Variants in GCH1 observed in about 807,000 individuals in gnomAD.
GCH1 encodes the protein GTP cyclohydrolase I.
In GCH1, 5 loss-of-function variants were observed where a neutral mutation model predicts 25.9. The ratio of observed to expected loss-of-function variants is 0.19; its 90% CI spans 0.10 to 0.41. The LOEUF (loss-of-function observed/expected upper bound fraction) is 0.41. Ranked by LOEUF, GCH1 falls within the 10% of genes least tolerant of loss-of-function variation. GCH1 has a pLI of 1.00. For synonymous variants in GCH1, 159 were observed against 129.6 expected, an observed-to-expected ratio of 1.23 and a Z score of -1.54; for missense variants, 261 against 336.5, an observed-to-expected ratio of 0.78 and a Z score of 1.75.
chr14:54,867,327 C>A (rs1226264850), intron 1 of GCH1, among the ~76,000 whole-genome samples: 2 of 152,080 alleles, frequency 1.3e-5, no homozygotes, highest in Non-Finnish European at 2.9e-5. Context: ...GTGGCTCATG[C>A]CTGTAATCCC....
At chr14:54,901,600 C>G (rs1181663839) in intron 1 of GCH1, among the ~76,000 whole-genome samples, 1 of 152,168 alleles carries the variant, frequency 6.6e-6, no homozygotes, top group African/African-American at 2.4e-5. Flanking sequence ...CCCTCCGAAT[C>G]CCGGAGTAGC....
chr14:54,849,653 C>A (rs1566661517), intron 3 of GCH1, among the ~76,000 whole-genome samples: 1 of 152,150 alleles, frequency 6.6e-6, no homozygotes. Flanking sequence ...GTTCTAGAAA[C>A]TTTTTTAGCC....
At position 54,877,273 on chromosome 14, in the gene GCH1, G is replaced by A. The variant is rs115410629; in HGVS notation, c.344-11837C>T. On this transcript the variant is annotated intron_variant, in intron 1 of 5. Coordinates refer to ENST00000491895, the MANE Select transcript of GCH1 (RefSeq NM_000161.3). Reference sequence around the variant, plus strand: ...GGATTTATGGCATTCTGTTTCCTACGGTTGGTCACAACCACAAACAAAATG... The same window carrying A: ...GGATTTATGGCATTCTGTTTCCTACAGTTGGTCACAACCACAAACAAAATG... Among the ~76,000 whole-genome samples, 1,269 of 152,270 alleles carry A rather than the reference G, an allele frequency of 8.3e-3. 19 individuals carry two copies. Among genetic ancestry groups the A allele is most frequent in the African/African-American group, 0.029 (1,187 of 41,548 alleles).
At chr14:54,897,727 C>T (rs753916855) in intron 1 of GCH1, among the ~76,000 whole-genome samples, 1 of 152,142 alleles carries the variant, frequency 6.6e-6, no homozygotes, top group Non-Finnish European at 1.5e-5. Context: ...GATTCAAATA[C>T]CAGCTCTACT....
intron 1 of GCH1, among the ~76,000 whole-genome samples, chr14:54,900,037 G>A (rs569848979): frequency 2.0e-5 from 3 of 151,150 alleles, no homozygotes; most frequent in Non-Finnish European, 4.4e-5. Context: ...GCTAATTTTT[G>A]TATTTTTGGT....
At chr14:54,844,169 T>C in intron 5 of GCH1, 26 bp from the exon 6 acceptor site, 2 of 1,509,240 alleles carry the variant, frequency 1.3e-6, no homozygotes, top group Non-Finnish European at 1.8e-6. Flanking sequence ...ACACAGGTTG[T>C]TTAAAGGAGT....
intron 3 of GCH1, among the ~76,000 whole-genome samples, chr14:54,854,213 A>G (rs2039775766): frequency 6.6e-6 from 1 of 152,226 alleles, no homozygotes; most frequent in African/African-American, 2.4e-5. Flanking sequence ...TGAGCCACCA[A>G]AGGAGCAGCA....
intron 1 of GCH1, among the ~76,000 whole-genome samples, chr14:54,890,741 T>C (rs1251059648): frequency 6.6e-6 from 1 of 152,234 alleles, no homozygotes; most frequent in Non-Finnish European, 1.5e-5. Context: ...ATGCCTTTTA[T>C]TGAAAAACAC....
At chr14:54,891,090 T>C (rs1032474235) in intron 1 of GCH1, among the ~76,000 whole-genome samples, 4 of 147,964 alleles carry the variant, frequency 2.7e-5, no homozygotes, top group African/African-American at 1.0e-4. Flanking sequence ...AAATAGACAA[T>C]TCATAAGGTT....
intron 1 of GCH1, among the ~76,000 whole-genome samples, chr14:54,880,723 T>C (rs868686377): frequency 4.5e-5 from 2 of 44,418 alleles, no homozygotes; most frequent in African/African-American, 1.8e-4. Flanking sequence ...TATATACTCA[T>C]ATATATATAT....
chr14:54,872,298 G>A (rs56091146), intron 1 of GCH1, among the ~76,000 whole-genome samples: 32,080 of 151,896 alleles, frequency 0.21, 3,456 homozygotes, highest in African/African-American at 0.24. Context: ...AGCAAATGCT[G>A]AGAGATTTTG....
At chr14:54,893,421 T>A (rs3783641) in intron 1 of GCH1, among the ~76,000 whole-genome samples, 37,083 of 152,100 alleles carry the variant, frequency 0.24, 4,888 homozygotes, top group African/African-American at 0.34. Flanking sequence ...TAGAAATCAC[T>A]GGCAAATGAG....
chr14:54,855,541 G>A (rs7153186), intron 3 of GCH1, among the ~76,000 whole-genome samples: 4,816 of 133,304 alleles, frequency 0.036, 273 homozygotes, highest in African/African-American at 0.13. Flanking sequence ...CTGGCCGGGT[G>A]CAGTGACTCA....
At chr14:54,868,673 C>T (rs2040023581) in intron 1 of GCH1, among the ~76,000 whole-genome samples, 1 of 152,078 alleles carries the variant, frequency 6.6e-6, no homozygotes. Context: ...ATGATCTCGG[C>T]TCACTGCAAG....
At position 54,847,160 on chromosome 14, in the gene GCH1, C is replaced by T. The variant is rs1232635536; in HGVS notation, c.510-30G>A. The T allele has an allele frequency of 3.3e-6, 3 of 896,642 alleles. No individual in the cohort carries two copies. The Admixed American group carries it at 6.1e-5, about 18-fold the overall frequency. The allele number at this position is 896,642 out of a possible 1,614,324, so 55.5% of individuals were successfully genotyped here. On this transcript the variant is annotated intron_variant, in intron 3 of 5. Transcript: ENST00000491895. ...AAAAGAAAGAATTGTTTTAGTTAATCACAAATCATTTGAAGTAAAATTGAT... is the reference window on the plus strand; with the variant it reads ...AAAAGAAAGAATTGTTTTAGTTAATTACAAATCATTTGAAGTAAAATTGAT...
rs958064485 is a variant in GCH1 at position 54,867,607 on chromosome 14, A to C, written c.344-2171T>G. Among the ~76,000 whole-genome samples, 14 of 150,670 alleles carry C rather than the reference A, an allele frequency of 9.3e-5. 1 individual carries two copies. The highest frequency in any genetic ancestry group is 1.3e-4 in the Non-Finnish European group (9 of 67,646). ...TCCGTCTCAAAAAAAAAAAAAAAAA[A>C]AAAAAAAGATCTGGCTCCATCACTT... On this transcript the variant is annotated intron_variant, in intron 1 of 5. Transcript: ENST00000491895.
At position 54,845,780 on chromosome 14, in the gene GCH1, A is replaced by C. The variant is rs1418922853; in HGVS notation, c.614T>G (p.Val205Gly). The C allele has an allele frequency of 6.3e-7, 1 of 1,596,504 alleles. No individual in the cohort carries two copies. The highest frequency in any genetic ancestry group is 1.7e-5 in the Admixed American group (1 of 60,006). ...EALRPAGVGV[V>G]VEATHMCMVM... ...GATGCAGACTTACGTTGCTTCAACCACTACCCCGACTCCAGCAGGCCGCAA... is the reference window on the plus strand; with the variant it reads ...GATGCAGACTTACGTTGCTTCAACCCCTACCCCGACTCCAGCAGGCCGCAA... The change falls in exon 5 of 6, where the codon GTG (valine) becomes GGG (glycine). Residue 205 changes from valine to glycine, a missense_variant. Val to Gly is a moderately radical substitution (Grantham distance 109). Transcript: ENST00000491895.
chr14:54,885,223 C>T (rs1391406587), intron 1 of GCH1: 5 of 205,552 alleles, frequency 2.4e-5, no homozygotes, highest in Non-Finnish European at 3.0e-5. Flanking sequence ...CCCATTCCTT[C>T]CCCACACTGA....
chr14:54,884,258 A>T (rs2140104508), intron 1 of GCH1, among the ~76,000 whole-genome samples: 1 of 152,330 alleles, frequency 6.6e-6, no homozygotes, highest in African/African-American at 2.4e-5. Context: ...ATATGATTGT[A>T]TTGAAGATTA....
Sources: gnomAD v4.1 joint callset for allele counts (sites outside exome capture counted in the v4.1 genomes callset) on GRCh38, gnomAD v4.1.1 for gene constraint, MANE v1.5 for transcripts, NCBI Gene and HGNC (gene_info 2026-07-23, HGNC 2026-07-21) for gene names.